KCND2: variants seen among roughly 807,000 people sequenced by gnomAD.
The protein encoded by KCND2 is potassium voltage-gated channel subfamily D member 2.
A neutral mutation model predicts 54.4 loss-of-function variants in KCND2; 16 were observed. That is an observed-to-expected ratio of 0.29 (90% CI 0.20 to 0.45). KCND2 has a LOEUF of 0.45. KCND2 is among the 20% of genes least tolerant of loss of function. KCND2 has a pLI of 1.00. For synonymous variants in KCND2, 317 were observed against 310.7 expected, an observed-to-expected ratio of 1.02 and a Z score of -0.21; for missense variants, 486 against 824.2, an observed-to-expected ratio of 0.59 and a Z score of 5.02.
Position 120,274,748 on chromosome 7 carries a change from A to C in KCND2, c.116A>C (p.Gln39Pro). ...APPRQERKRT[Q>P]DALIVLNVSG... ...CCGAGGCAGGAGAGGAAAAGGACCC[A>C]AGATGCTCTCATTGTGCTGAATGTG... Residue 39 changes from glutamine (Q) to proline (P), a missense_variant, in exon 1 of 6, where the codon CAA becomes CCA. Gln to Pro is a moderately conservative substitution (Grantham distance 76, BLOSUM62 -1). This residue lies in a region of KCND2 where 231 missense variants were observed against 386.0 expected (regional missense o/e 0.60). Transcript: ENST00000331113. 1.2e-6 allele frequency: 2 copies of C among 1,614,094 alleles called. No homozygotes were observed. Among genetic ancestry groups the C allele is most frequent in the Non-Finnish European group, 1.7e-6 (2 of 1,180,010 alleles).
At chr7:120,482,171 C>T (rs2116282047) in intron 1 of KCND2, among the ~76,000 whole-genome samples, 1 of 152,272 alleles carries the variant, frequency 6.6e-6, no homozygotes, top group African/African-American at 2.4e-5. Context: ...TGTTGTTTTT[C>T]CTGTTGGGTT....
intron 1 of KCND2, among the ~76,000 whole-genome samples, chr7:120,527,664 A>T (rs1791792729): frequency 6.6e-6 from 1 of 151,932 alleles, no homozygotes; most frequent in Non-Finnish European, 1.5e-5. Context: ...TCACTTTTCT[A>T]AAATAACTAT....
intron 1 of KCND2, among the ~76,000 whole-genome samples, chr7:120,726,196 C>CA (rs2116122041): frequency 6.6e-6 from 1 of 152,182 alleles, no homozygotes; most frequent in African/African-American, 2.4e-5. Context: ...GAGGTGGAGA[C>CA]AAAATCAAGG....
chr7:120,591,929 A>C (rs80026846), intron 1 of KCND2, among the ~76,000 whole-genome samples: 1,562 of 152,348 alleles, frequency 0.01, 21 homozygotes, highest in African/African-American at 0.034. Flanking sequence ...CACTATGTGC[A>C]AATGGTTTTA....
intron 1 of KCND2, among the ~76,000 whole-genome samples, chr7:120,626,954 G>A (rs574509999): frequency 1.3e-5 from 2 of 152,238 alleles, no homozygotes; most frequent in Admixed American, 1.3e-4. Context: ...CCATTGCTGC[G>A]ATGTACACTA....
intron 1 of KCND2, among the ~76,000 whole-genome samples, chr7:120,310,717 A>C (rs938334381): frequency 3.4e-4 from 51 of 152,222 alleles, no homozygotes; most frequent in African/African-American, 1.2e-3. Context: ...CAGGCAGATC[A>C]CTTGAGGCCA....
At chr7:120,366,511 GAGGA>G (rs1409298171) in intron 1 of KCND2, among the ~76,000 whole-genome samples, 12 of 148,162 alleles carry the variant, frequency 8.1e-5, no homozygotes, top group East Asian at 2.0e-4. Flanking sequence ...GGGAGGGAGG[GAGGA>G]AGGAAGGAAG....
rs2116243692 is a variant in KCND2 at position 120,275,374 on chromosome 7, C to T, written c.742C>T (p.Leu248=). The T allele has an allele frequency of 1.2e-6, 2 of 1,613,816 alleles. No individual in the cohort carries two copies. Among genetic ancestry groups the T allele is most frequent in the Non-Finnish European group, 1.7e-6 (2 of 1,179,980 alleles). The part of the protein sequence containing the change: ...MIFTVEYLLR[L]AAAPSRYRFV... ...CTTCACAGTTGAGTATTTGCTTCGCCTGGCTGCAGCGCCTAGTCGTTACCG... is the reference window on the plus strand; with the variant it reads ...CTTCACAGTTGAGTATTTGCTTCGCTTGGCTGCAGCGCCTAGTCGTTACCG... Residue 248 remains leucine (L), a synonymous_variant, in exon 1 of 6, where the codon CTG becomes TTG. Transcript: ENST00000331113.
intron 1 of KCND2, among the ~76,000 whole-genome samples, chr7:120,646,714 C>T (rs1584867990): frequency 6.6e-6 from 1 of 152,292 alleles, no homozygotes; most frequent in South Asian, 2.1e-4. Context: ...TAATAGATAT[C>T]CTACTAGTGG....
chr7:120,328,764 A>G (rs1800019315), intron 1 of KCND2, among the ~76,000 whole-genome samples: 1 of 152,164 alleles, frequency 6.6e-6, no homozygotes, highest in South Asian at 2.1e-4. Flanking sequence ...CATGTATAAG[A>G]AACGTAGATT....
intron 1 of KCND2, among the ~76,000 whole-genome samples, chr7:120,406,796 T>A (rs1428281416): frequency 1.3e-5 from 2 of 151,876 alleles, no homozygotes; most frequent in Non-Finnish European, 2.9e-5. Context: ...GAAAGTAAAA[T>A]GATCGTTTTT....
intron 1 of KCND2, among the ~76,000 whole-genome samples, chr7:120,523,175 TC>T (rs1243575774): frequency 6.6e-6 from 1 of 152,156 alleles, no homozygotes; most frequent in Non-Finnish European, 1.5e-5. Flanking sequence ...TTGTGTTGTT[TC>T]CGCTATCCAT....
At chr7:120,436,906 A>G (rs557731081) in intron 1 of KCND2, among the ~76,000 whole-genome samples, 81 of 152,194 alleles carry the variant, frequency 5.3e-4, no homozygotes, top group African/African-American at 1.8e-3. Flanking sequence ...CAATTCATCA[A>G]AGGTTTTAGT....
chr7:120,530,245 A>G (rs1300459436), intron 1 of KCND2, among the ~76,000 whole-genome samples: 2 of 152,188 alleles, frequency 1.3e-5, no homozygotes, highest in African/African-American at 4.8e-5. Flanking sequence ...ATTCTCCATG[A>G]TGTATTGCAT....
intron 4 of KCND2, 137 bp downstream of exon 4, chr7:120,742,739 C>A: frequency 1.4e-6 from 1 of 714,968 alleles, no homozygotes; most frequent in Non-Finnish European, 2.5e-6. Flanking sequence ...CAAACCAAAA[C>A]CCCACAATAT....
intron 1 of KCND2, among the ~76,000 whole-genome samples, chr7:120,308,020 TGTAGA>T (rs1196753343): frequency 3.9e-5 from 6 of 152,078 alleles, no homozygotes; most frequent in East Asian, 1.9e-4. Flanking sequence ...CATGAGTACA[TGTAGA>T]GTAAACAGAT....
rs183131322 is a variant in KCND2, at chr7:120,667,013, A to G, written c.1116-65890A>G. On this transcript the variant is annotated intron_variant, in intron 1 of 5. Coordinates refer to ENST00000331113, the MANE Select transcript of KCND2 (RefSeq NM_012281.3). ...GAGGGAGAGAGAGACAGAAGGAAAT[A>G]AACAGAAAAAAGAGACTCTAAGTCT... Among the ~76,000 whole-genome samples, 27 of 152,132 alleles carry G rather than the reference A, an allele frequency of 1.8e-4. No homozygotes were observed. In the East Asian group the frequency reaches 4.4e-3, roughly 25 times the overall value.
chr7:120,345,926 A>G (rs73431940), intron 1 of KCND2, among the ~76,000 whole-genome samples: 1,768 of 152,226 alleles, frequency 0.012, 41 homozygotes, highest in African/African-American at 0.04. Flanking sequence ...GCATCATACT[A>G]TTTTCCATAA....
chr7:120,620,654 A>G (rs1282445932), intron 1 of KCND2, among the ~76,000 whole-genome samples: 2 of 152,232 alleles, frequency 1.3e-5, no homozygotes, highest in Non-Finnish European at 2.9e-5. Context: ...GGAAGAATTG[A>G]CATGCTAAGT....
Sources: allele counts gnomAD v4.1 joint callset (sites outside exome capture counted in the v4.1 genomes callset), GRCh38; gene constraint gnomAD v4.1.1; regional missense constraint gnomAD v4.1.1; transcripts MANE v1.5; gene names NCBI Gene and HGNC (gene_info 2026-07-23, HGNC 2026-07-21).